LRRC4C: variants seen among roughly 807,000 people sequenced by gnomAD.
LRRC4C encodes leucine rich repeat containing 4C, also known as leucine-rich repeat-containing protein 4C.
A neutral mutation model predicts 33.6 loss-of-function variants in LRRC4C; 5 were observed. The ratio of observed to expected loss-of-function variants is 0.15; its 90% CI spans 0.08 to 0.31. LRRC4C has a LOEUF of 0.31. Among genes scored for constraint, LRRC4C ranks in the 10% least tolerant of loss-of-function variants. The pLI is 1.00. For missense variants in LRRC4C, 560 were observed against 796.7 expected, an observed-to-expected ratio of 0.70 and a Z score of 3.58; for synonymous variants, 329 against 302.0, an observed-to-expected ratio of 1.09 and a Z score of -0.93.
At chr11:41,327,823 G>A (rs1430543711) in intron 1 of LRRC4C, among the ~76,000 whole-genome samples, 2 of 152,174 alleles carry the variant, frequency 1.3e-5, no homozygotes, top group Non-Finnish European at 2.9e-5. Flanking sequence ...CTTGCCTGCT[G>A]CTATGTAAGA....
intron 3 of LRRC4C, among the ~76,000 whole-genome samples, chr11:40,417,018 C>A (rs1426426821): frequency 2.0e-5 from 3 of 152,148 alleles, no homozygotes; most frequent in Non-Finnish European, 4.4e-5. Context: ...CTTTGAGAAC[C>A]AGTGAATGTC....
intron 4 of LRRC4C, among the ~76,000 whole-genome samples, chr11:40,274,660 A>C (rs1942968020): frequency 6.6e-6 from 1 of 152,102 alleles, no homozygotes; most frequent in Non-Finnish European, 1.5e-5. Context: ...CAGTCCTGTT[A>C]CCTGTAAATA....
At chr11:41,410,369 G>T (rs145841316) in intron 1 of LRRC4C, among the ~76,000 whole-genome samples, 133 of 78,280 alleles carry the variant, frequency 1.7e-3, no homozygotes, top group African/African-American at 6.2e-3. Context: ...CCTTTCAAAA[G>T]ATTCCAAAGA....
Position 40,692,136 on chromosome 11 carries a change from G to A in LRRC4C, c.-406-43858C>T, listed in dbSNP as rs528489735. Among the ~76,000 whole-genome samples, 80 of 152,086 alleles carry A rather than the reference G, an allele frequency of 5.3e-4. 2 individuals carry two copies. In the South Asian group the frequency reaches 0.016, roughly 30 times the overall value. ...CAGAAATGTGTATGATACAGATTGA[G>A]CATTATTGTCTCTGAGAAAATGAAC... On this transcript the variant is annotated intron_variant, in intron 2 of 6. Coordinates refer to ENST00000528697, the MANE Select transcript of LRRC4C (RefSeq NM_001258419.2).
intron 3 of LRRC4C, among the ~76,000 whole-genome samples, chr11:40,380,046 GAC>G (rs1948805072): frequency 2.0e-5 from 3 of 152,240 alleles, no homozygotes; most frequent in Admixed American, 6.5e-5. Flanking sequence ...GAACTATTAA[GAC>G]AGTAATTGTG....
intron 2 of LRRC4C, among the ~76,000 whole-genome samples, chr11:40,822,566 C>T (rs538756216): frequency 3.3e-5 from 5 of 151,386 alleles, no homozygotes; most frequent in East Asian, 1.9e-4. Context: ...TTATATATTC[C>T]GGTTATTAAT....
chr11:40,606,742 G>A (rs888571285), intron 3 of LRRC4C, among the ~76,000 whole-genome samples: 1 of 152,048 alleles, frequency 6.6e-6, no homozygotes, highest in Non-Finnish European at 1.5e-5. Context: ...AAACTTATTT[G>A]TGGGGGTCCT....
intron 1 of LRRC4C, among the ~76,000 whole-genome samples, chr11:41,047,036 T>C (rs183188682): frequency 4.3e-4 from 66 of 152,222 alleles, no homozygotes; most frequent in African/African-American, 1.4e-4. Context: ...AAATTAACAA[T>C]TGTTGTGCTT....
At chr11:40,384,101 A>T (rs1949009200) in intron 3 of LRRC4C, among the ~76,000 whole-genome samples, 1 of 151,812 alleles carries the variant, frequency 6.6e-6, no homozygotes, top group South Asian at 2.1e-4. Flanking sequence ...TTTTAGTTAC[A>T]TGTAATCCCA....
At chr11:40,262,145 AC>A (rs1459813433) in intron 4 of LRRC4C, among the ~76,000 whole-genome samples, 3 of 152,234 alleles carry the variant, frequency 2.0e-5, no homozygotes, top group Non-Finnish European at 4.4e-5. Context: ...AGAAAAACAA[AC>A]AACCACATCA....
chr11:40,681,092 A>C (rs1944661770), intron 2 of LRRC4C, among the ~76,000 whole-genome samples: 1 of 152,176 alleles, frequency 6.6e-6, no homozygotes, highest in Non-Finnish European at 1.5e-5. Flanking sequence ...TAAAAGAAGG[A>C]GCAGTGGGTG....
chr11:40,513,951 G>A (rs1465597686), intron 3 of LRRC4C, among the ~76,000 whole-genome samples: 9 of 152,162 alleles, frequency 5.9e-5, no homozygotes, highest in African/African-American at 1.4e-4. Context: ...AGAGCCAACT[G>A]TCTCACCTTA....
At chr11:41,133,903 T>C (rs1315738978) in intron 1 of LRRC4C, among the ~76,000 whole-genome samples, 1 of 152,138 alleles carries the variant, frequency 6.6e-6, no homozygotes, top group African/African-American at 2.4e-5. Flanking sequence ...TGCTTCAAGA[T>C]AGTCTGCTGA....
At chr11:40,876,806 G>T (rs375099140) in intron 2 of LRRC4C, among the ~76,000 whole-genome samples, 11 of 151,258 alleles carry the variant, frequency 7.3e-5, no homozygotes, top group East Asian at 3.9e-4. Flanking sequence ...GGGAGGCTGA[G>T]GCTCAAGAAT....
At chr11:40,759,275 T>A (rs1027569297) in intron 2 of LRRC4C, among the ~76,000 whole-genome samples, 2 of 148,098 alleles carry the variant, frequency 1.4e-5, no homozygotes, top group African/African-American at 4.9e-5. Context: ...ATATTATATA[T>A]ATACATCTTC....
At chr11:41,276,505 A>G (rs1275771934) in intron 1 of LRRC4C, among the ~76,000 whole-genome samples, 1 of 152,196 alleles carries the variant, frequency 6.6e-6, no homozygotes, top group African/African-American at 2.4e-5. Flanking sequence ...TGATTGACCT[A>G]TAATTCCTTC....
At chr11:40,279,370 T>C (rs1376759362) in intron 4 of LRRC4C, among the ~76,000 whole-genome samples, 1 of 152,146 alleles carries the variant, frequency 6.6e-6, no homozygotes, top group East Asian at 1.9e-4. Context: ...TACAGCGCTA[T>C]ACAGAAAACA....
chr11:40,519,473 C>G (rs1011792911), intron 3 of LRRC4C, among the ~76,000 whole-genome samples: 7 of 152,164 alleles, frequency 4.6e-5, no homozygotes, highest in African/African-American at 1.7e-4. Context: ...TACTAACCAA[C>G]CTCTTCTAGC....
chr11:40,924,586 T>G (rs146739199), intron 2 of LRRC4C, among the ~76,000 whole-genome samples: 24 of 152,150 alleles, frequency 1.6e-4, no homozygotes, highest in Middle Eastern at 3.4e-3. Flanking sequence ...GATAGCACAG[T>G]AGGGTAACTA....
Sources: gnomAD v4.1 joint callset for allele counts (sites outside exome capture counted in the v4.1 genomes callset) on GRCh38, gnomAD v4.1.1 for gene constraint, MANE v1.5 for transcripts, NCBI Gene and HGNC (gene_info 2026-07-23, HGNC 2026-07-21) for gene names.